Variants in SLC5A4 observed in about 807,000 individuals in gnomAD.
The protein encoded by SLC5A4 is probable glucose sensor protein SLC5A4.
SLC5A4 carries 55 observed loss-of-function variants against 70.3 expected under a neutral mutation model. That is an observed-to-expected ratio of 0.78 (90% confidence interval 0.63 to 0.98). The LOEUF (loss-of-function observed/expected upper bound fraction) is 0.98, where lower values mean the gene tolerates loss of function less well. Among genes scored for constraint, SLC5A4 ranks in the 50% least tolerant of loss-of-function variants. The probability of loss-of-function intolerance (pLI) is 0.00; values close to 1 mark genes in which losing one functional copy is unlikely to be tolerated. For synonymous variants in SLC5A4, 268 were observed against 305.7 expected, an observed-to-expected ratio of 0.88 and a Z score of 1.29; for missense variants, 735 against 839.2, an observed-to-expected ratio of 0.88 and a Z score of 1.53.
the SLC5A4 span, among the ~76,000 whole-genome samples, chr22:32,347,195 T>A: frequency 6.6e-6 from 1 of 152,236 alleles, no homozygotes; most frequent in Non-Finnish European, 1.5e-5. Flanking sequence ...CATTAAAAAG[T>A]CAGGAAACAA....
At chr22:32,269,457 A>G in the SLC5A4 span, 5 of 516,834 alleles carry the variant, frequency 9.7e-6, no homozygotes, top group Non-Finnish European at 1.5e-5. The surrounding 1 kb of genome is among the most constrained non-coding windows in gnomAD (Gnocchi z 4.1). Flanking sequence ...CACGGCTACT[A>G]CAAGCCCATC....
chr22:32,283,260 T>C, the SLC5A4 span, among the ~76,000 whole-genome samples: 1 of 152,384 alleles, frequency 6.6e-6, no homozygotes, highest in East Asian at 1.9e-4. Context: ...TGCAGTTCCT[T>C]CTGCTCAGAT....
rs1927399552 is a variant in SLC5A4 at position 32,255,083 on chromosome 22, A to G, written c.135+112T>C. On this transcript the variant is annotated intron_variant, in intron 1 of 14. Coordinates refer to ENST00000266086, the MANE Select transcript of SLC5A4 (RefSeq NM_014227.3). ...TGCAACACACAAGAAAATGATTCTGATAACACAATGACATTTGTGAAAAGC... is the reference window on the plus strand; with the variant it reads ...TGCAACACACAAGAAAATGATTCTGGTAACACAATGACATTTGTGAAAAGC... The G allele has an allele frequency of 1.0e-5, 10 of 994,674 alleles. 1 individual carries two copies. The South Asian group carries it at 1.5e-4, about 15-fold the overall frequency. The allele number at this position is 994,674 out of a possible 1,614,324, so 61.6% of individuals were successfully genotyped here.
the SLC5A4 span, among the ~76,000 whole-genome samples, chr22:32,330,672 AG>A: frequency 4.1e-5 from 1 of 24,438 alleles, no homozygotes; most frequent in African/African-American, 1.8e-4. Context: ...TGTGTGTGTT[AG>A]GGGGCTCTGG....
At chr22:32,331,840 C>T in the SLC5A4 span, among the ~76,000 whole-genome samples, 2 of 152,110 alleles carry the variant, frequency 1.3e-5, no homozygotes, top group Non-Finnish European at 2.9e-5. Context: ...CCTGGGGTTC[C>T]TCCTGCCACG....
the SLC5A4 span, among the ~76,000 whole-genome samples, chr22:32,285,746 AT>A: frequency 3.4e-5 from 5 of 145,866 alleles, no homozygotes; most frequent in African/African-American, 5.1e-5. Context: ...TTTTATTTTT[AT>A]TTTTTTTGAG....
intron 6 of SLC5A4, among the ~76,000 whole-genome samples, chr22:32,238,701 C>T (rs1428599932): frequency 6.6e-6 from 1 of 152,126 alleles, no homozygotes; most frequent in Non-Finnish European, 1.5e-5. Context: ...ATGCTGAATT[C>T]GAAGTGCCAA....
At chr22:32,311,422 T>C in the SLC5A4 span, among the ~76,000 whole-genome samples, 1 of 152,204 alleles carries the variant, frequency 6.6e-6, no homozygotes, top group African/African-American at 2.4e-5. Context: ...GGAATGAGTG[T>C]GTCTACACTG....
chr22:32,310,648 A>T, the SLC5A4 span, among the ~76,000 whole-genome samples: 2 of 152,176 alleles, frequency 1.3e-5, no homozygotes, highest in Non-Finnish European at 2.9e-5. Context: ...TGCCTGGAGG[A>T]GACAGCTGGA....
At chr22:32,238,161 A>T (rs193130015) in intron 6 of SLC5A4, among the ~76,000 whole-genome samples, 9 of 152,304 alleles carry the variant, frequency 5.9e-5, no homozygotes, top group Admixed American at 1.3e-4. Flanking sequence ...TGCAACAAGC[A>T]GGTGAAGCAA....
chr22:32,272,105 G>A, the SLC5A4 span: 2 of 662,332 alleles, frequency 3.0e-6, no homozygotes, highest in East Asian at 2.7e-5. Flanking sequence ...TGACCAGCAC[G>A]AAGACAGTGT....
intron 5 of SLC5A4, among the ~76,000 whole-genome samples, chr22:32,240,241 A>G (rs1315394303): frequency 6.6e-6 from 1 of 152,116 alleles, no homozygotes; most frequent in Non-Finnish European, 1.5e-5. Context: ...CTGGAATTCA[A>G]TTAATTACAT....
At chr22:32,290,279 T>G in the SLC5A4 span, among the ~76,000 whole-genome samples, 1 of 152,032 alleles carries the variant, frequency 6.6e-6, no homozygotes, top group Non-Finnish European at 1.5e-5. Flanking sequence ...CCCCGGTGTG[T>G]GATGTTCCCC....
chr22:32,244,537 A>T (rs1317092176), intron 5 of SLC5A4, among the ~76,000 whole-genome samples: 1 of 152,126 alleles, frequency 6.6e-6, no homozygotes, highest in Non-Finnish European at 1.5e-5. Context: ...TTATCAATGA[A>T]TTTTTTCCTA....
the SLC5A4 span, among the ~76,000 whole-genome samples, chr22:32,310,243 G>A: frequency 2.0e-5 from 3 of 152,172 alleles, 1 homozygote; most frequent in Admixed American, 1.3e-4. Context: ...AGCACCTATA[G>A]AGCATCATCC....
At chr22:32,341,491 G>A in the SLC5A4 span, among the ~76,000 whole-genome samples, 5 of 152,172 alleles carry the variant, frequency 3.3e-5, no homozygotes, top group South Asian at 1.0e-3. Flanking sequence ...CTCATCCACT[G>A]AAACTCTTTG....
chr22:32,268,761 A>G, the SLC5A4 span, among the ~76,000 whole-genome samples: 1 of 152,228 alleles, frequency 6.6e-6, no homozygotes, highest in East Asian at 1.9e-4. Flanking sequence ...TGTAATAGTT[A>G]GGTCGTGCTC....
the SLC5A4 span, among the ~76,000 whole-genome samples, chr22:32,282,437 T>C: frequency 3.3e-5 from 5 of 152,084 alleles, no homozygotes; most frequent in Non-Finnish European, 7.4e-5. Flanking sequence ...CTTCTGGTAG[T>C]TCCTCCTCAC....
At chr22:32,324,689 C>G in the SLC5A4 span, among the ~76,000 whole-genome samples, 354 of 152,276 alleles carry the variant, frequency 2.3e-3, 3 homozygotes, top group Non-Finnish European at 1.3e-3. Flanking sequence ...CAGACAAGCC[C>G]GGGTTCAGGT....
Sources: allele counts gnomAD v4.1 joint callset (sites outside exome capture counted in the v4.1 genomes callset), GRCh38; gene constraint gnomAD v4.1.1; non-coding constraint Gnocchi (gnomAD v3.1); transcripts MANE v1.5; gene names NCBI Gene and HGNC (gene_info 2026-07-23, HGNC 2026-07-21).